The following C12orf42 variants were observed in gnomAD, a reference collection of about 807,000 sequenced individuals.
C12orf42 encodes the protein chromosome 12 open reading frame 42.
In C12orf42, 25 loss-of-function variants were observed where a neutral mutation model predicts 21.6. The ratio of observed to expected loss-of-function variants is 1.16; its 90% CI spans 0.84 to 1.62. The LOEUF (loss-of-function observed/expected upper bound fraction) is 1.62, where lower values mean the gene tolerates loss of function less well. Ranked by LOEUF, C12orf42 falls within the 40% of genes most tolerant of loss-of-function variation. C12orf42 has a pLI of 0.00. For synonymous variants in C12orf42, 174 were observed against 175.0 expected, an observed-to-expected ratio of 0.99 and a Z score of 0.05; for missense variants, 483 against 459.3, an observed-to-expected ratio of 1.05 and a Z score of -0.47.
the C12orf42 span, among the ~76,000 whole-genome samples, chr12:103,173,650 T>C: frequency 3.3e-5 from 5 of 152,134 alleles, no homozygotes; most frequent in Non-Finnish European, 4.4e-5. Flanking sequence ...TCTTCTTATA[T>C]TAATGCCTTC....
At chr12:103,214,200 T>C in the C12orf42 span, among the ~76,000 whole-genome samples, 1 of 152,216 alleles carries the variant, frequency 6.6e-6, no homozygotes, top group East Asian at 1.9e-4. Context: ...CATGACTGGA[T>C]GCTTGTGCCT....
At chr12:103,378,716 GA>G (rs1482883249) in intron 3 of C12orf42, 1 of 152,156 alleles carries the variant, frequency 6.6e-6, no homozygotes, top group Non-Finnish European at 1.5e-5. Context: ...ACCTGAGTTG[GA>G]ATCCTGCCTC....
chr12:103,337,601 C>T (rs962028653), intron 4 of C12orf42, among the ~76,000 whole-genome samples: 3 of 152,178 alleles, frequency 2.0e-5, no homozygotes, highest in African/African-American at 7.2e-5. Context: ...ATCTGCCAGC[C>T]TTGGCCTCCC....
At chr12:103,563,676 C>T in the C12orf42 span, among the ~76,000 whole-genome samples, 10 of 152,152 alleles carry the variant, frequency 6.6e-5, no homozygotes, top group Non-Finnish European at 1.3e-4. Context: ...CATCCTCCAG[C>T]AGGTCATGAT....
intron 10 of C12orf42, among the ~76,000 whole-genome samples, chr12:103,251,236 T>C (rs2034285749): frequency 6.6e-6 from 1 of 151,994 alleles, no homozygotes; most frequent in Admixed American, 6.6e-5. Context: ...TTCTACACCA[T>C]CCCCCTTTCC....
intron 5 of C12orf42, chr12:103,273,748 G>GGAGAAAGAGAAGAGAAA (rs1005308133): frequency 4.6e-6 from 2 of 435,572 alleles, no homozygotes; most frequent in African/African-American, 4.1e-5. Context: ...AAAAGGAGGA[G>GGAGAAAGAGAAGAGAAA]GAGAAAGAGA....
chr12:103,108,227 C>G, the C12orf42 span, among the ~76,000 whole-genome samples: 1 of 151,450 alleles, frequency 6.6e-6, no homozygotes, highest in Non-Finnish European at 1.5e-5. Context: ...TACTAGAGTC[C>G]TCTTAAACTT....
the C12orf42 span, among the ~76,000 whole-genome samples, chr12:103,202,707 G>A: frequency 2.0e-5 from 3 of 152,144 alleles, no homozygotes; most frequent in Non-Finnish European, 4.4e-5. Flanking sequence ...CTCCTTCTAG[G>A]GCTCAGGCAG....
intron 1 of C12orf42, among the ~76,000 whole-genome samples, chr12:103,489,722 G>A (rs1188540589): frequency 2.0e-5 from 3 of 152,234 alleles, no homozygotes; most frequent in Non-Finnish European, 4.4e-5. Context: ...ACGCTAGAGT[G>A]AGCAAGGCTC....
At chr12:103,063,191 C>T in the C12orf42 span, among the ~76,000 whole-genome samples, 2 of 152,138 alleles carry the variant, frequency 1.3e-5, no homozygotes, top group Admixed American at 6.6e-5. Context: ...ATGATGAATT[C>T]AGAGATTCTA....
chr12:103,139,659 T>C, the C12orf42 span, among the ~76,000 whole-genome samples: 3 of 152,102 alleles, frequency 2.0e-5, no homozygotes, highest in Non-Finnish European at 4.4e-5. Context: ...GAAATGAATA[T>C]AGGCTGACTT....
chr12:103,530,857 C>T, the C12orf42 span, among the ~76,000 whole-genome samples: 1 of 152,134 alleles, frequency 6.6e-6, no homozygotes, highest in African/African-American at 2.4e-5. Context: ...CATCATTTTG[C>T]AAATCTATTC....
chr12:103,312,545 G>T (rs999124192), intron 4 of C12orf42, among the ~76,000 whole-genome samples: 5 of 152,186 alleles, frequency 3.3e-5, no homozygotes, highest in Non-Finnish European at 7.3e-5. Flanking sequence ...TAAACTATCT[G>T]CCTCTCGAGG....
the C12orf42 span, among the ~76,000 whole-genome samples, chr12:103,206,528 A>ACACG: frequency 6.6e-6 from 1 of 151,620 alleles, no homozygotes; most frequent in Non-Finnish European, 1.5e-5. Flanking sequence ...TATTACACAC[A>ACACG]CACACACACA....
intron 3 of C12orf42, chr12:103,396,733 A>G (rs931190604): frequency 2.6e-5 from 4 of 152,270 alleles, no homozygotes; most frequent in African/African-American, 9.6e-5. Context: ...TAGACAAAAC[A>G]GCAATTGCAA....
At chr12:103,548,116 G>A in the C12orf42 span, among the ~76,000 whole-genome samples, 2 of 152,146 alleles carry the variant, frequency 1.3e-5, no homozygotes, top group East Asian at 1.9e-4. Flanking sequence ...CTGCGTCAGG[G>A]GTCTGTGGTC....
At chr12:103,336,295 GAT>G (rs2041684980) in intron 4 of C12orf42, among the ~76,000 whole-genome samples, 1 of 152,178 alleles carries the variant, frequency 6.6e-6, no homozygotes, top group African/African-American at 2.4e-5. Context: ...AATTTCAGAA[GAT>G]ATAGGCTTCA....
At chr12:103,504,508 G>T in the C12orf42 span, 1 of 153,586 alleles carries the variant, frequency 6.5e-6, no homozygotes, top group South Asian at 2.0e-4. Context: ...CGCCAGATCT[G>T]GTATCATGTG....
chr12:103,528,187 T>G, the C12orf42 span, among the ~76,000 whole-genome samples: 1 of 152,176 alleles, frequency 6.6e-6, no homozygotes, highest in African/African-American at 2.4e-5. Flanking sequence ...GGGATAGATA[T>G]AGACATAGAT....
Sources: allele counts gnomAD v4.1 joint callset (sites outside exome capture counted in the v4.1 genomes callset), GRCh38; gene constraint gnomAD v4.1.1; transcripts MANE v1.5; gene names NCBI Gene and HGNC (gene_info 2026-07-23, HGNC 2026-07-21).